The following HS3ST3B1 variants were observed in gnomAD, a reference collection of about 807,000 sequenced individuals.
The protein encoded by HS3ST3B1 is heparan sulfate glucosamine 3-O-sulfotransferase 3B1.
HS3ST3B1 carries 13 observed loss-of-function variants against 21.3 expected under a neutral mutation model. That is an observed-to-expected ratio of 0.61 (90% CI 0.40 to 0.97). The LOEUF is 0.97. Ranked by LOEUF, HS3ST3B1 falls within the 50% of genes least tolerant of loss-of-function variation. The pLI, the probability that HS3ST3B1 is intolerant of heterozygous loss-of-function variation, is 0.00. For missense variants in HS3ST3B1, 459 were observed against 554.8 expected (o/e 0.83, Z 1.73); for synonymous variants, 234 against 254.8 (o/e 0.92, Z 0.78).
intron 1 of HS3ST3B1, among the ~76,000 whole-genome samples, chr17:14,340,388 G>A (rs919621315): frequency 7.9e-5 from 12 of 151,980 alleles, no homozygotes; most frequent in East Asian, 2.0e-4. Flanking sequence ...ATGGCGCCTC[G>A]TAGTAAGTTT....
chr17:14,318,332 G>A (rs572489669), intron 1 of HS3ST3B1, among the ~76,000 whole-genome samples: 3 of 152,152 alleles, frequency 2.0e-5, no homozygotes, highest in Non-Finnish European at 4.4e-5. Flanking sequence ...GTCAGCAGGC[G>A]CAGCGGGAGA....
chr17:14,340,245 A>G (rs1370587217), intron 1 of HS3ST3B1, among the ~76,000 whole-genome samples: 3 of 152,154 alleles, frequency 2.0e-5, no homozygotes, highest in African/African-American at 7.2e-5. Context: ...TCATTTTGGC[A>G]TGAACTCCTC....
rs548398062 is a variant in HS3ST3B1 at position 14,315,951 on chromosome 17, T to G, written c.554+13879T>G. On this transcript the variant is annotated intron_variant, in intron 1 of 1. Transcript: ENST00000360954. ...TTATAAATTAAAGTAAATAAATGTT[T>G]GTTTCACCTAGCATTTCCCCCATGA... Among the ~76,000 whole-genome samples the G allele has an allele frequency of 9.2e-4, 140 of 152,360 alleles. 1 individual carries two copies. Among genetic ancestry groups the G allele is most frequent in the Middle Eastern group, 3.4e-3 (1 of 294 alleles).
At chr17:14,305,062 A>T (rs923900819) in intron 1 of HS3ST3B1, 26 of 152,142 alleles carry the variant, frequency 1.7e-4, no homozygotes, top group African/African-American at 6.0e-4. Context: ...AGGAGGGGTC[A>T]TGGTGAGATG....
intron 1 of HS3ST3B1, among the ~76,000 whole-genome samples, chr17:14,338,306 A>G (rs1910253642): frequency 6.6e-6 from 1 of 151,220 alleles, no homozygotes; most frequent in Non-Finnish European, 1.5e-5. Flanking sequence ...TTTGTATTTT[A>G]GTAGAGATGG....
chr17:14,316,484 T>C (rs193200081), intron 1 of HS3ST3B1, among the ~76,000 whole-genome samples: 53 of 152,324 alleles, frequency 3.5e-4, no homozygotes, highest in Non-Finnish European at 6.8e-4. Context: ...GTGTTCTGTG[T>C]CGGTGGTGTT....
rs2142357008 is a variant in HS3ST3B1 at position 14,345,399 on chromosome 17, G to A, written c.926G>A (p.Gly309Asp). 8.1e-7 allele frequency: 1 copy of A among 1,228,860 alleles called. No individual in the cohort carries two copies. The highest frequency in any genetic ancestry group is 1.4e-5 in the South Asian group (1 of 71,634). 76.1% of individuals were successfully genotyped at this position (1,228,860 alleles called of 1,614,324 possible). The stretch of plus-strand genomic sequence containing the variant: ...ATCAGCGACCCGGCCGGGGAGCTGG[G>A]CCGCGTGCAAGACTTCCTGGGCCTC... ...RLISDPAGEL[G>D]RVQDFLGLKR... Residue 309 changes from glycine to aspartate, a missense_variant, in exon 2 of 2, where the codon GGC becomes GAC. Transcript: ENST00000360954.
chr17:14,322,005 T>C (rs981036568), intron 1 of HS3ST3B1, among the ~76,000 whole-genome samples: 4 of 151,756 alleles, frequency 2.6e-5, no homozygotes, highest in African/African-American at 9.7e-5. Context: ...TATATATATA[T>C]AAAGTGCTGT....
rs774771524 is a variant in HS3ST3B1, at chr17:14,301,668, G to A, written c.150G>A (p.Ser50=). 3.1e-6 allele frequency: 5 copies of A among 1,602,862 alleles called. No homozygotes were observed. The highest frequency in any genetic ancestry group is 1.7e-4 in the Middle Eastern group (1 of 6,018). The change falls in exon 1 of 2, where the codon TCG becomes TCA. Residue 50 remains serine, a synonymous_variant. Coordinates refer to ENST00000360954, the MANE Select transcript of HS3ST3B1 (RefSeq NM_006041.3). Reference sequence around the variant, plus strand: ...TCTGGCTCTATATGTTCCTGTACTCGTGCGCCGGCTCCTGCGCCGCCGCGC... The same window carrying A: ...TCTGGCTCTATATGTTCCTGTACTCATGCGCCGGCTCCTGCGCCGCCGCGC... ...LCVWLYMFLY[S]CAGSCAAAPG...
chr17:14,319,950 C>T (rs1461266337), intron 1 of HS3ST3B1, among the ~76,000 whole-genome samples: 2 of 151,834 alleles, frequency 1.3e-5, no homozygotes, highest in East Asian at 3.9e-4. Flanking sequence ...TCCCCAAAGT[C>T]CATTATATCA....
intron 1 of HS3ST3B1, among the ~76,000 whole-genome samples, chr17:14,318,019 C>T (rs1056307481): frequency 6.6e-6 from 1 of 152,118 alleles, no homozygotes; most frequent in Non-Finnish European, 1.5e-5. Flanking sequence ...ATGGTGTTTG[C>T]AAATATGGCT....
intron 1 of HS3ST3B1, among the ~76,000 whole-genome samples, chr17:14,309,233 C>A (rs533230637): frequency 6.6e-6 from 1 of 152,232 alleles, no homozygotes. Context: ...GCCCTGGTGT[C>A]GCGCGGGATC....
intron 1 of HS3ST3B1, among the ~76,000 whole-genome samples, chr17:14,311,467 C>T (rs1031618413): frequency 6.6e-6 from 1 of 152,194 alleles, no homozygotes; most frequent in Non-Finnish European, 1.5e-5. Context: ...CCTACACATG[C>T]ACAGTCTGCC....
intron 1 of HS3ST3B1, among the ~76,000 whole-genome samples, chr17:14,337,494 A>ATTTTTTTTTTTT (rs5819471): frequency 7.1e-6 from 1 of 140,934 alleles, no homozygotes. Context: ...TGCCTGGCTA[A>ATTTTTTTTTTTT]TTTTTTTTTT....
chr17:14,324,219 C>T (rs1909741573), intron 1 of HS3ST3B1, among the ~76,000 whole-genome samples: 1 of 152,096 alleles, frequency 6.6e-6, no homozygotes, highest in Admixed American at 6.5e-5. Context: ...TGGATGAACA[C>T]CTAAATTCTT....
chr17:14,330,178 G>T (rs371832361), intron 1 of HS3ST3B1, among the ~76,000 whole-genome samples: 1 of 152,260 alleles, frequency 6.6e-6, no homozygotes, highest in South Asian at 2.1e-4. Context: ...CCTCCTGGGG[G>T]TGGTCTGTAC....
Position 14,346,023 on chromosome 17 carries a change from T to G in HS3ST3B1, c.*377T>G. Reference sequence around the variant, plus strand: ...CTTGTCTTGGGTCTCCCATTCCAGCTTCCCTGTCTCTTCCTGCCTGTGTAC... The same window carrying G: ...CTTGTCTTGGGTCTCCCATTCCAGCGTCCCTGTCTCTTCCTGCCTGTGTAC... On this transcript the variant is annotated 3_prime_UTR_variant, in exon 2 of 2. Transcript: ENST00000360954. The G allele has an allele frequency of 9.9e-6, 2 of 201,764 alleles. No homozygotes were observed. Among genetic ancestry groups the G allele is most frequent in the Non-Finnish European group, 2.0e-5 (2 of 99,546 alleles). 12.5% of individuals were successfully genotyped at this position (201,764 alleles called of 1,614,324 possible). A position where few individuals can be genotyped will look rare whatever the true frequency, so the allele number is the denominator to read the frequency against.
In HS3ST3B1 at chr17:14,301,794, G is replaced by T. The variant is rs930935240; in HGVS notation, c.276G>T (p.Ala92=). 13 of 1,555,952 alleles carry T rather than the reference G, an allele frequency of 8.4e-6. No individual in the cohort carries two copies. The highest frequency in any genetic ancestry group is 1.0e-5 in the Non-Finnish European group (12 of 1,150,644). Residue 92 remains alanine (A), a synonymous_variant, in exon 1 of 2, where the codon GCG becomes GCT. Coordinates refer to ENST00000360954, the MANE Select transcript of HS3ST3B1 (RefSeq NM_006041.3). ...CGCCCCCCAGGCTGCCGTTCCGGGC[G>T]CCGCCAGCCACCCCACTGGCTTCAG... The part of the protein sequence containing the change: ...DGTPPRLPFR[A]PPATPLASGK...
chr17:14,334,292 T>C (rs1910123549), intron 1 of HS3ST3B1, among the ~76,000 whole-genome samples: 1 of 152,018 alleles, frequency 6.6e-6, no homozygotes, highest in African/African-American at 2.4e-5. Context: ...AAATTGACTT[T>C]ATTTTTAAGA....
Sources: allele counts gnomAD v4.1 joint callset (sites outside exome capture counted in the v4.1 genomes callset), GRCh38; gene constraint gnomAD v4.1.1; transcripts MANE v1.5; gene names NCBI Gene and HGNC (gene_info 2026-07-23, HGNC 2026-07-21).